The following SPOCK1 variants were observed in gnomAD, a reference collection of about 807,000 sequenced individuals.
SPOCK1 encodes SPARC (osteonectin), cwcv and kazal like domains proteoglycan 1, also known as testican-1.
Under a neutral mutation model 55.3 loss-of-function variants are expected in SPOCK1, and 23 were observed. That is an observed-to-expected ratio of 0.42 (90% CI 0.30 to 0.59). The LOEUF is 0.59. Ranked by LOEUF, SPOCK1 falls within the 20% of genes least tolerant of loss-of-function variation. SPOCK1 has a pLI of 0.22. For synonymous variants in SPOCK1, 226 were observed against 221.0 expected (o/e 1.02, Z -0.20); for missense variants, 499 against 552.5 (o/e 0.90, Z 0.97).
intron 3 of SPOCK1, among the ~76,000 whole-genome samples, chr5:137,221,907 G>A (rs1004271148): frequency 3.3e-5 from 5 of 152,120 alleles, no homozygotes; most frequent in Non-Finnish European, 7.4e-5. Context: ...GGGAAGCAGC[G>A]CCCACCCTCC....
At chr5:137,255,346 T>C (rs940760984) in intron 3 of SPOCK1, among the ~76,000 whole-genome samples, 4 of 152,208 alleles carry the variant, frequency 2.6e-5, no homozygotes, top group Non-Finnish European at 2.9e-5. Context: ...CTCTGCTTTG[T>C]TAGGAAGCTC....
chr5:137,159,959 G>A (rs570085210), intron 3 of SPOCK1, among the ~76,000 whole-genome samples: 1 of 152,214 alleles, frequency 6.6e-6, no homozygotes, highest in Admixed American at 6.5e-5. Flanking sequence ...AACATAAGGA[G>A]GCAAATAAGT....
At position 136,978,418 on chromosome 5, in the gene SPOCK1, T is replaced by C. The variant is rs1169862744; in HGVS notation, c.*236A>G. ...GGAGGCTCTAATTAAGCCAATGACT[T>C]CCCTATCCAAAAAATAAACAACAAC... On this transcript the variant is annotated 3_prime_UTR_variant, in exon 11 of 11. Transcript: ENST00000394945. 3 of 405,878 alleles carry C rather than the reference T, an allele frequency of 7.4e-6. No individual in the cohort carries two copies. Among genetic ancestry groups the C allele is most frequent in the Non-Finnish European group, 8.5e-6 (2 of 234,268 alleles). 25.1% of individuals were successfully genotyped at this position (405,878 alleles called of 1,614,324 possible).
intron 3 of SPOCK1, among the ~76,000 whole-genome samples, chr5:137,185,133 A>G (rs2127066639): frequency 6.6e-6 from 1 of 152,324 alleles, no homozygotes; most frequent in Middle Eastern, 3.4e-3. Flanking sequence ...AGAGAGGAAA[A>G]AATGGAAAGG....
intron 3 of SPOCK1, among the ~76,000 whole-genome samples, chr5:137,146,241 C>G (rs2127055119): frequency 6.6e-6 from 1 of 152,128 alleles, no homozygotes; most frequent in Non-Finnish European, 1.5e-5. Flanking sequence ...CCAGGAACCT[C>G]CTTCCTCCCT....
intron 6 of SPOCK1, among the ~76,000 whole-genome samples, chr5:137,053,288 A>G (rs1207769531): frequency 6.6e-6 from 1 of 152,102 alleles, no homozygotes; most frequent in Non-Finnish European, 1.5e-5. Context: ...CAGAAAGCCA[A>G]TAAGGAAAGC....
chr5:137,354,427 AC>A (rs772635408), intron 2 of SPOCK1, among the ~76,000 whole-genome samples: 3 of 147,372 alleles, frequency 2.0e-5, no homozygotes, highest in African/African-American at 7.6e-5. Context: ...CCCTCCCTTG[AC>A]CCCCCCAGGC....
chr5:136,980,760 T>C (rs930690655), intron 9 of SPOCK1, among the ~76,000 whole-genome samples: 1 of 152,214 alleles, frequency 6.6e-6, no homozygotes, highest in Non-Finnish European at 1.5e-5. Flanking sequence ...AATTTTGTTT[T>C]GGTGTTTTCT....
At chr5:137,196,837 C>T (rs1445411663) in intron 3 of SPOCK1, among the ~76,000 whole-genome samples, 1 of 152,178 alleles carries the variant, frequency 6.6e-6, no homozygotes, top group Admixed American at 6.5e-5. Context: ...CAGGGTGCCC[C>T]CTGCACAATA....
At chr5:137,307,494 T>C (rs1757717984) in intron 2 of SPOCK1, among the ~76,000 whole-genome samples, 1 of 152,216 alleles carries the variant, frequency 6.6e-6, no homozygotes, top group African/African-American at 2.4e-5. Context: ...GCTTCTCTTC[T>C]CACCATTTTT....
chr5:136,983,309 G>T (rs577697347), intron 9 of SPOCK1, among the ~76,000 whole-genome samples: 7 of 152,206 alleles, frequency 4.6e-5, no homozygotes, highest in South Asian at 4.1e-4. Flanking sequence ...TGACTCTAGG[G>T]TCTAGTCTAG....
chr5:137,406,370 G>C (rs1449323204), intron 2 of SPOCK1, among the ~76,000 whole-genome samples: 3 of 152,236 alleles, frequency 2.0e-5, no homozygotes, highest in Non-Finnish European at 4.4e-5. Context: ...GGCCAGGCAG[G>C]AGTAGATGCA....
At position 137,013,935 on chromosome 5, in the gene SPOCK1, G is replaced by A. The variant is rs550059907; in HGVS notation, c.590-21335C>T. Among the ~76,000 whole-genome samples the A allele has an allele frequency of 4.6e-5, 7 of 152,222 alleles. No homozygotes were observed. The South Asian group carries it at 6.2e-4, about 14-fold the overall frequency. ...GTAGTGGAGACAGTGGGGGCGCATC[G>A]GGGTAGTAAAGATGGCTCTGACTAT... is the stretch of plus-strand genomic sequence containing the variant. On this transcript the variant is annotated intron_variant, in intron 6 of 10. Coordinates refer to ENST00000394945, the MANE Select transcript of SPOCK1 (RefSeq NM_004598.4).
chr5:137,285,168 C>T (rs1204347213), intron 2 of SPOCK1, among the ~76,000 whole-genome samples: 1 of 152,154 alleles, frequency 6.6e-6, no homozygotes, highest in Non-Finnish European at 1.5e-5. Flanking sequence ...ACCTGGGGCC[C>T]GTCTCACTAA....
At chr5:137,002,935 C>A (rs1215879024) in intron 6 of SPOCK1, among the ~76,000 whole-genome samples, 1 of 152,164 alleles carries the variant, frequency 6.6e-6, no homozygotes, top group East Asian at 1.9e-4. Context: ...CAACAGCAGT[C>A]AGTGAAGGCT....
chr5:137,246,565 C>T (rs1372221230), intron 3 of SPOCK1, among the ~76,000 whole-genome samples: 1 of 152,212 alleles, frequency 6.6e-6, no homozygotes, highest in Non-Finnish European at 1.5e-5. Flanking sequence ...GCCATCTCCA[C>T]ATTTCACTGC....
chr5:137,039,131 C>T (rs112580303), intron 6 of SPOCK1, among the ~76,000 whole-genome samples: 167 of 152,088 alleles, frequency 1.1e-3, no homozygotes, highest in African/African-American at 3.8e-3. Context: ...AACAACTCCA[C>T]GAGGAGGTAT....
intron 3 of SPOCK1, among the ~76,000 whole-genome samples, chr5:137,183,830 A>G (rs1010671820): frequency 1.3e-5 from 2 of 152,232 alleles, no homozygotes; most frequent in African/African-American, 4.8e-5. Context: ...GTAGAGAATC[A>G]GACTGCCTGG....
chr5:136,986,518 AAT>A (rs1433455190), intron 8 of SPOCK1, among the ~76,000 whole-genome samples: 1 of 152,148 alleles, frequency 6.6e-6, no homozygotes, highest in Non-Finnish European at 1.5e-5. Flanking sequence ...AGAAAAGAAA[AAT>A]GAGGTATAAA....
Sources: gnomAD v4.1 joint callset for allele counts (sites outside exome capture counted in the v4.1 genomes callset) on GRCh38, gnomAD v4.1.1 for gene constraint, MANE v1.5 for transcripts, NCBI Gene and HGNC (gene_info 2026-07-23, HGNC 2026-07-21) for gene names.